NEGR1: variants seen among roughly 807,000 people sequenced by gnomAD.
The protein encoded by NEGR1 is IgLON family member 4.
NEGR1 carries 10 observed loss-of-function variants against 40.9 expected under a neutral mutation model. The observed-to-expected ratio is 0.24, with a 90% confidence interval of 0.15 to 0.42. The LOEUF is 0.42. NEGR1 is among the 10% of genes least tolerant of loss of function. The pLI is 1.00. For synonymous variants in NEGR1, 185 were observed against 166.8 expected (o/e 1.11, Z -0.84); for missense variants, 352 against 438.9 (o/e 0.80, Z 1.77).
intron 2 of NEGR1, among the ~76,000 whole-genome samples, chr1:71,836,211 G>A (rs1349998377): frequency 6.6e-6 from 1 of 151,856 alleles, no homozygotes; most frequent in Non-Finnish European, 1.5e-5. Flanking sequence ...GAGGCATTTG[G>A]GAGGCTGAGG....
In NEGR1 at chr1:71,704,959, CA is replaced by C. The variant is rs200965076; in HGVS notation, c.536-6821del. Among the ~76,000 whole-genome samples, 218 of 146,094 alleles carry C rather than the reference CA, an allele frequency of 1.5e-3. 1 individual carries two copies. The East Asian group carries it at 0.032, about 21-fold the overall frequency. The stretch of plus-strand genomic sequence containing the variant: ...AAGGTTGAAAAGATGATTGTGTTAC[CA>C]AAAAAAAAATTAAACAATATGAATC... On this transcript the variant is annotated intron_variant, in intron 3 of 6. Transcript: ENST00000357731.
intron 1 of NEGR1, among the ~76,000 whole-genome samples, chr1:72,251,984 G>A (rs1468136915): frequency 1.3e-5 from 2 of 151,982 alleles, no homozygotes; most frequent in East Asian, 3.9e-4. Context: ...ATAGCATCTT[G>A]GTTACAAGTA....
chr1:71,550,845 C>T (rs1333150674), intron 6 of NEGR1, among the ~76,000 whole-genome samples: 1 of 151,540 alleles, frequency 6.6e-6, no homozygotes, highest in Non-Finnish European at 1.5e-5. Context: ...CTGAAACATG[C>T]CAAATTATGA....
At chr1:72,019,256 T>C (rs1156808422) in intron 1 of NEGR1, among the ~76,000 whole-genome samples, 1 of 152,160 alleles carries the variant, frequency 6.6e-6, no homozygotes, top group African/African-American at 2.4e-5. Flanking sequence ...TATGGTAAAA[T>C]AGTCTATTCA....
chr1:71,685,567 G>T (rs559718559), intron 4 of NEGR1, among the ~76,000 whole-genome samples: 1 of 152,196 alleles, frequency 6.6e-6, no homozygotes, highest in South Asian at 2.1e-4. Flanking sequence ...TTCTCTGTCC[G>T]CATTGGCTTT....
chr1:72,025,744 A>G (rs1646801510), intron 1 of NEGR1, among the ~76,000 whole-genome samples: 2 of 152,214 alleles, frequency 1.3e-5, no homozygotes, highest in South Asian at 4.1e-4. Flanking sequence ...GAGACAGAGT[A>G]ATTTTTGTCT....
At chr1:71,770,801 C>A (rs1040109989) in intron 3 of NEGR1, among the ~76,000 whole-genome samples, 6 of 152,146 alleles carry the variant, frequency 3.9e-5, no homozygotes, top group Admixed American at 1.3e-4. Flanking sequence ...CAGGAAACAA[C>A]AAATGCTGGA....
At chr1:71,848,007 A>G (rs1335873193) in intron 2 of NEGR1, among the ~76,000 whole-genome samples, 1 of 152,204 alleles carries the variant, frequency 6.6e-6, no homozygotes, top group Non-Finnish European at 1.5e-5. Context: ...TATTGCTGAT[A>G]TGGAGAAATT....
At chr1:72,042,921 G>C (rs1048179609) in intron 1 of NEGR1, among the ~76,000 whole-genome samples, 2 of 151,978 alleles carry the variant, frequency 1.3e-5, no homozygotes, top group Non-Finnish European at 2.9e-5. Context: ...TGGGGCTAGA[G>C]ATGGGGCTAA....
In NEGR1 at chr1:71,668,409, A is replaced by G. The variant is rs1041241460; in HGVS notation, c.667+29599T>C. On this transcript the variant is annotated intron_variant, in intron 4 of 6. Coordinates refer to ENST00000357731, the MANE Select transcript of NEGR1 (RefSeq NM_173808.3). ...GTTACTGCCAGGCTGATAGAGGAGGATAGAGCCAAATGCTTTTTAGTACAA... is the reference window on the plus strand; with the variant it reads ...GTTACTGCCAGGCTGATAGAGGAGGGTAGAGCCAAATGCTTTTTAGTACAA... Among the ~76,000 whole-genome samples, 4 of 152,320 alleles carry G rather than the reference A, an allele frequency of 2.6e-5. No homozygotes were observed. The East Asian group carries it at 7.7e-4, about 29-fold the overall frequency.
Position 71,416,759 on chromosome 1 carries a change from A to G in NEGR1, c.941-9189T>C, listed in dbSNP as rs1241309232. Among the ~76,000 whole-genome samples the G allele has an allele frequency of 3.9e-5, 6 of 152,224 alleles. No homozygotes were observed. In the East Asian group the frequency reaches 1.2e-3, roughly 29 times the overall value. On this transcript the variant is annotated intron_variant, in intron 6 of 6. Transcript: ENST00000357731. ...TTTGCACATGTGTCACCCTAGGCAG[A>G]AAACTCTCCATTCCCAGGACACATC...
chr1:71,484,564 A>G (rs1349890017), intron 6 of NEGR1, among the ~76,000 whole-genome samples: 2 of 151,818 alleles, frequency 1.3e-5, no homozygotes, highest in African/African-American at 4.8e-5. Flanking sequence ...TGGGAAACTT[A>G]CAAATAGCCT....
intron 1 of NEGR1, among the ~76,000 whole-genome samples, chr1:72,220,908 C>T (rs1245808913): frequency 9.4e-6 from 1 of 106,070 alleles, no homozygotes; most frequent in Non-Finnish European, 1.8e-5. Flanking sequence ...CTTCTACCTA[C>T]CTAAAGTTTT....
intron 2 of NEGR1, among the ~76,000 whole-genome samples, chr1:71,872,616 C>A (rs1216135213): frequency 6.6e-6 from 1 of 152,100 alleles, no homozygotes; most frequent in African/African-American, 2.4e-5. Context: ...GTTGGACATG[C>A]AACATGAGCA....
intron 6 of NEGR1, among the ~76,000 whole-genome samples, chr1:71,480,489 T>C (rs1408608533): frequency 6.6e-6 from 1 of 151,864 alleles, no homozygotes; most frequent in Admixed American, 6.6e-5. Flanking sequence ...ATTGTGTTTA[T>C]TGTTTGTCCC....
At chr1:72,233,198 G>T (rs756343797) in intron 1 of NEGR1, among the ~76,000 whole-genome samples, 2 of 152,126 alleles carry the variant, frequency 1.3e-5, no homozygotes, top group Non-Finnish European at 2.9e-5. Flanking sequence ...TTCCTGTTAA[G>T]AACAATACAT....
chr1:71,933,093 A>G (rs193034201), intron 2 of NEGR1, among the ~76,000 whole-genome samples: 11 of 152,166 alleles, frequency 7.2e-5, no homozygotes, highest in Admixed American at 2.6e-4. Context: ...TTCTTTTTCT[A>G]GAGGAATAAA....
At chr1:72,211,721 T>C (rs1012710409) in intron 1 of NEGR1, among the ~76,000 whole-genome samples, 11 of 151,718 alleles carry the variant, frequency 7.3e-5, no homozygotes, top group African/African-American at 2.7e-4. Context: ...AAGATAAATA[T>C]TGATAGACCT....
chr1:71,712,876 T>A (rs1416262659), intron 3 of NEGR1, among the ~76,000 whole-genome samples: 1 of 152,152 alleles, frequency 6.6e-6, no homozygotes, highest in Non-Finnish European at 1.5e-5. Context: ...TCTCTCTCTC[T>A]CCTGCCACCA....
Sources: allele counts gnomAD v4.1 joint callset (sites outside exome capture counted in the v4.1 genomes callset), GRCh38; gene constraint gnomAD v4.1.1; transcripts MANE v1.5; gene names NCBI Gene and HGNC (gene_info 2026-07-23, HGNC 2026-07-21).